MLIP: variants seen among roughly 807,000 people sequenced by gnomAD.
MLIP encodes muscular LMNA interacting protein.
A neutral mutation model predicts 84.8 loss-of-function variants in MLIP; 79 were observed. That is an observed-to-expected ratio of 0.93 (90% CI 0.78 to 1.12). The LOEUF (loss-of-function observed/expected upper bound fraction) is 1.12, where lower values mean the gene tolerates loss of function less well. Ranked by LOEUF, MLIP falls within the 50% of genes most tolerant of loss-of-function variation. The pLI is 0.00. For missense variants in MLIP, 1,257 were observed against 1,160.6 expected (o/e 1.08, Z -1.21); for synonymous variants, 504 against 463.0 (o/e 1.09, Z -1.14).
intron 1 of MLIP, among the ~76,000 whole-genome samples, chr6:54,081,061 G>T (rs559938127): frequency 6.6e-6 from 1 of 151,986 alleles, no homozygotes; most frequent in South Asian, 2.1e-4. Flanking sequence ...TCAAGCCAAG[G>T]GCTGTTTTAT....
rs143456717 is a variant in MLIP at position 54,255,287 on chromosome 6, A to G, written c.2923-2021A>G. 9.0e-4 allele frequency among the ~76,000 whole-genome samples: 137 copies of G among 152,318 alleles called. 1 individual carries two copies. Among genetic ancestry groups the G allele is most frequent in the African/African-American group, 3.0e-3 (124 of 41,582 alleles). On this transcript the variant is annotated intron_variant, in intron 12 of 13. Transcript: ENST00000502396. ...TCCACTCACTAGTTTTGGGCCTTGA[A>G]CAAGTTATTCTACCTCTCAGTGCTT...
chr6:54,126,184 T>G (rs187077064), intron 3 of MLIP, among the ~76,000 whole-genome samples: 50 of 152,166 alleles, frequency 3.3e-4, no homozygotes, highest in East Asian at 2.5e-3. Flanking sequence ...ATGTGGAAAT[T>G]TCCATTGTTA....
rs1395740607 is a variant in MLIP, at chr6:54,136,727, C to T, written c.658C>T (p.Pro220Ser). 3 of 1,485,984 alleles carry T rather than the reference C, an allele frequency of 2.0e-6. No individual in the cohort carries two copies. In the African/African-American group the frequency reaches 4.2e-5, roughly 21 times the overall value. The allele number at this position is 1,485,984 out of a possible 1,614,324, so 92.0% of individuals were successfully genotyped here. A position where few individuals can be genotyped will look rare whatever the true frequency, so the allele number is the denominator to read the frequency against. Residue 220 changes from proline (P) to serine (S), a missense_variant, in exon 4 of 14, where the codon CCC becomes TCC. Transcript: ENST00000502396. ...QQKHGQLTSS[P>S]TTSEQLACKP... Reference sequence around the variant, plus strand: ...CTCTTTCCTCTAGTTAACTTCTTCTCCCACTACCTCTGAGCAGCTTGCCTG... The same window carrying T: ...CTCTTTCCTCTAGTTAACTTCTTCTTCCACTACCTCTGAGCAGCTTGCCTG...
At chr6:54,202,892 C>G (rs889800637) in intron 11 of MLIP, among the ~76,000 whole-genome samples, 5 of 152,080 alleles carry the variant, frequency 3.3e-5, no homozygotes, top group African/African-American at 1.2e-4. Context: ...GAGCAAGACC[C>G]TGTCTCAAAA....
chr6:54,057,270 G>A (rs900362171), intron 1 of MLIP, among the ~76,000 whole-genome samples: 2 of 152,188 alleles, frequency 1.3e-5, no homozygotes, highest in African/African-American at 4.8e-5. Flanking sequence ...GGGTAGATGG[G>A]AGGTTGGGAC....
intron 10 of MLIP, among the ~76,000 whole-genome samples, chr6:54,190,864 C>G (rs867084587): frequency 6.7e-6 from 1 of 149,254 alleles, no homozygotes; most frequent in Non-Finnish European, 1.5e-5. Flanking sequence ...GGTGCGATCT[C>G]GGCTCACTGC....
chr6:54,115,109 G>A (rs1561942860), intron 1 of MLIP, among the ~76,000 whole-genome samples: 1 of 152,296 alleles, frequency 6.6e-6, no homozygotes, highest in African/African-American at 2.4e-5. Flanking sequence ...AGTATAGTAC[G>A]ATTGTTGGGC....
rs139879136 is a variant in MLIP, at chr6:54,057,641, C to A, written c.63+38550C>A. On this transcript the variant is annotated intron_variant, in intron 1 of 12. Transcript: ENST00000274897. ...ATACTAATCGATTTCTGCTAGATCA[C>A]GTCCAGTCATGGCAAGTCCACTAAT... Among the ~76,000 whole-genome samples the A allele has an allele frequency of 2.4e-4, 36 of 152,284 alleles. No individual in the cohort carries two copies. The East Asian group carries it at 6.4e-3, about 27-fold the overall frequency.
intron 5 of MLIP, among the ~76,000 whole-genome samples, chr6:54,159,025 C>G (rs1300266071): frequency 6.6e-6 from 1 of 151,976 alleles, no homozygotes; most frequent in Non-Finnish European, 1.5e-5. Context: ...CAGCTTCCTG[C>G]CTCAGTCTTT....
At chr6:54,177,738 T>C (rs1305123449) in intron 9 of MLIP, among the ~76,000 whole-genome samples, 3 of 152,198 alleles carry the variant, frequency 2.0e-5, no homozygotes, top group Non-Finnish European at 4.4e-5. Context: ...TAAAGACATA[T>C]GCAAGTGTAT....
chr6:54,226,702 A>G (rs1302544085), intron 11 of MLIP, among the ~76,000 whole-genome samples: 3 of 152,222 alleles, frequency 2.0e-5, no homozygotes, highest in Admixed American at 2.0e-4. Context: ...GAAAAAACTC[A>G]AGAACATCAA....
At chr6:54,251,696 T>A in intron 12 of MLIP, among the ~76,000 whole-genome samples, 1 of 96,008 alleles carries the variant, frequency 1.0e-5, no homozygotes, top group South Asian at 2.9e-4. Flanking sequence ...AAATATATAT[T>A]ATAACATATG....
intron 1 of MLIP, among the ~76,000 whole-genome samples, chr6:54,036,343 C>G (rs767239981): frequency 1.3e-5 from 2 of 151,054 alleles, no homozygotes; most frequent in African/African-American, 2.4e-5. Flanking sequence ...TCCTATACAC[C>G]AATAACAGAC....
At chr6:54,117,433 C>G (rs1243311652) in intron 1 of MLIP, among the ~76,000 whole-genome samples, 1 of 150,854 alleles carries the variant, frequency 6.6e-6, no homozygotes, top group Non-Finnish European at 1.5e-5. Flanking sequence ...CCAGGATGGT[C>G]TCGATCTCCT....
chr6:54,137,831 T>C lies in MLIP; in HGVS notation c.1762T>C (p.Ser588Pro). The C allele has an allele frequency of 6.5e-7, 1 of 1,536,078 alleles. No homozygotes were observed. The highest frequency in any genetic ancestry group is 8.7e-7 in the Non-Finnish European group (1 of 1,146,878). ...NIHTYPSTLA[S>P]SALSSLSPPI... The stretch of plus-strand genomic sequence containing the variant: ...TCACACGTACCCTTCTACATTAGCC[T>C]CCTCTGCATTATCTTCTCTATCTCC... The change falls in exon 4 of 14, where the codon TCC becomes CCC. Residue 588 changes from serine (S) to proline (P), a missense_variant. Transcript: ENST00000502396.
chr6:54,161,067 T>A (rs1463022414), intron 8 of MLIP, among the ~76,000 whole-genome samples: 2 of 151,968 alleles, frequency 1.3e-5, no homozygotes, highest in Non-Finnish European at 2.9e-5. Context: ...TGGGTCCAGT[T>A]CAAAACAGTT....
intron 5 of MLIP, among the ~76,000 whole-genome samples, chr6:54,153,066 G>C (rs1319388536): frequency 6.6e-6 from 1 of 152,042 alleles, no homozygotes; most frequent in East Asian, 1.9e-4. Flanking sequence ...ATTACTCTTT[G>C]CCATTTTCAC....
chr6:54,042,580 A>T (rs1291058840), intron 1 of MLIP, among the ~76,000 whole-genome samples: 1 of 152,208 alleles, frequency 6.6e-6, no homozygotes, highest in Non-Finnish European at 1.5e-5. Context: ...TTATGTAAGA[A>T]CATTTAGAAA....
At chr6:54,213,389 G>A (rs903843561) in intron 11 of MLIP, among the ~76,000 whole-genome samples, 1 of 152,062 alleles carries the variant, frequency 6.6e-6, no homozygotes, top group Non-Finnish European at 1.5e-5. Context: ...AACACTAAAA[G>A]GTTGTAATGC....
Sources: gnomAD v4.1 joint callset for allele counts (sites outside exome capture counted in the v4.1 genomes callset) on GRCh38, gnomAD v4.1.1 for gene constraint, MANE v1.5 for transcripts, NCBI Gene and HGNC (gene_info 2026-07-23, HGNC 2026-07-21) for gene names.